NUDT1: variants seen among roughly 807,000 people sequenced by gnomAD.
NUDT1 encodes oxidized purine nucleoside triphosphate hydrolase.
NUDT1 carries 16 observed loss-of-function variants against 11.3 expected under a neutral mutation model. That is an observed-to-expected ratio of 1.41 (90% CI 0.96 to 2.15). NUDT1 has a LOEUF of 2.15. Among genes scored for constraint, NUDT1 ranks in the 30% most tolerant of loss-of-function variants. NUDT1 has a pLI of 0.00. For synonymous variants in NUDT1, 101 were observed against 84.4 expected (o/e 1.20, Z -1.08); for missense variants, 234 against 208.4 (o/e 1.12, Z -0.76).
intron 2 of NUDT1, among the ~76,000 whole-genome samples, chr7:2,246,179 G>A (rs1269580587): frequency 1.3e-5 from 2 of 152,196 alleles, no homozygotes; most frequent in African/African-American, 4.8e-5. Context: ...CTGCCCATCA[G>A]CTCATGGATT....
intron 1 of NUDT1, 152 bp downstream of exon 1, chr7:2,242,408 G>T: frequency 2.0e-6 from 1 of 508,156 alleles, no homozygotes; most frequent in Non-Finnish European, 3.5e-6. Context: ...CAGGGTCGGG[G>T]GCTCGAGGGA....
chr7:2,247,073 G>C (rs1323799867), intron 2 of NUDT1, among the ~76,000 whole-genome samples: 1 of 152,176 alleles, frequency 6.6e-6, no homozygotes, highest in Non-Finnish European at 1.5e-5. Context: ...AGGGGATGAC[G>C]TACCATCAGC....
chr7:2,244,452 AC>A (rs535826571), intron 1 of NUDT1, 110 bp from the exon 2 acceptor site: 256 of 552,282 alleles, frequency 4.6e-4, no homozygotes, highest in East Asian at 8.5e-4. Flanking sequence ...GTTACAGCAT[AC>A]CCCCCCGCCC....
chr7:2,242,502 A>G (rs1794587781), intron 1 of NUDT1: 1 of 420,972 alleles, frequency 2.4e-6, no homozygotes, highest in African/African-American at 2.1e-5. Context: ...GTAAATCACA[A>G]AAATTTACTT....
chr7:2,250,203 C>T (rs1329604306), intron 3 of NUDT1, among the ~76,000 whole-genome samples: 1 of 152,206 alleles, frequency 6.6e-6, no homozygotes, highest in Non-Finnish European at 1.5e-5. Flanking sequence ...CCCTGCTCTG[C>T]GCCCACCCTA....
Position 2,242,469 on chromosome 7 carries a change from C to T in NUDT1, c.-13+213C>T, listed in dbSNP as rs895116186. ...TGGGAGAGAGACAAGGAGAGCGGGG[C>T]GGAGGCTTGGGGGAGACCAGGAGTA... is the stretch of plus-strand genomic sequence containing the variant. On this transcript the variant is annotated intron_variant, in intron 1 of 3. Transcript: ENST00000356714. 15 of 466,064 alleles carry T rather than the reference C, an allele frequency of 3.2e-5. No homozygotes were observed. In the Middle Eastern group the frequency reaches 1.7e-3, roughly 52 times the overall value. 28.9% of individuals were successfully genotyped at this position (466,064 alleles called of 1,614,324 possible).
chr7:2,246,887 G>A (rs1794788028), intron 2 of NUDT1, among the ~76,000 whole-genome samples: 1 of 152,144 alleles, frequency 6.6e-6, no homozygotes, highest in Non-Finnish European at 1.5e-5. Flanking sequence ...AAAGTGCTGT[G>A]ATTACAGGCG....
At chr7:2,250,364 G>A (rs1364114505) in intron 3 of NUDT1, among the ~76,000 whole-genome samples, 1 of 152,222 alleles carries the variant, frequency 6.6e-6, no homozygotes, top group Non-Finnish European at 1.5e-5. Context: ...ACTGTGGGAG[G>A]CCGAGGCAGG....
chr7:2,247,455 G>A (rs967037025), intron 2 of NUDT1, among the ~76,000 whole-genome samples: 8 of 152,262 alleles, frequency 5.3e-5, no homozygotes, highest in South Asian at 2.1e-4. Flanking sequence ...GGCTTCAGGC[G>A]CACAGTGTGA....
intron 3 of NUDT1, 103 bp from the exon 4 acceptor site, chr7:2,250,726 G>A: frequency 9.2e-7 from 1 of 1,081,502 alleles, no homozygotes; most frequent in Non-Finnish European, 1.4e-6. Flanking sequence ...CCAAAGTGCT[G>A]GGATTACAGG....
chr7:2,249,789 C>T (rs1372601057), intron 2 of NUDT1, 68 bp from the exon 3 acceptor site: 30 of 1,593,728 alleles, frequency 1.9e-5, no homozygotes, highest in Non-Finnish European at 2.5e-5. Flanking sequence ...AGCTCCTCCT[C>T]CCTGCCATCG....
At chr7:2,245,330 G>A (rs1045283095) in intron 2 of NUDT1, among the ~76,000 whole-genome samples, 4 of 152,174 alleles carry the variant, frequency 2.6e-5, no homozygotes, top group African/African-American at 9.7e-5. Flanking sequence ...GCCCCCGTTC[G>A]TGTTTTTGTT....
At chr7:2,246,066 C>T (rs555094512) in intron 2 of NUDT1, among the ~76,000 whole-genome samples, 4 of 152,290 alleles carry the variant, frequency 2.6e-5, no homozygotes, top group Non-Finnish European at 4.4e-5. Context: ...GGGCATACAG[C>T]GTGTCCCTGC....
At chr7:2,245,567 C>T (rs902130435) in intron 2 of NUDT1, among the ~76,000 whole-genome samples, 11 of 152,142 alleles carry the variant, frequency 7.2e-5, no homozygotes, top group African/African-American at 2.7e-4. Flanking sequence ...GGGGGCTCTA[C>T]TTTTCCGATT....
At position 2,249,942 on chromosome 7, in the gene NUDT1, C is replaced by T. The variant is rs149903361; in HGVS notation, c.238C>T (p.Leu80Phe). 4.3e-6 allele frequency: 7 copies of T among 1,614,096 alleles called. No individual in the cohort carries two copies. In the African/African-American group the frequency reaches 8.0e-5, roughly 18 times the overall value. The change falls in exon 3 of 4, where the codon CTC becomes TTC. Residue 80 changes from leucine to phenylalanine, a missense_variant. Leu to Phe is a conservative substitution (Grantham distance 22). Transcript: ENST00000356714. ...GTTTGAGTTCGTGGGCGAGCCTGAG[C>T]TCATGGACGTGCATGTCTTCTGCAC... ...IVFEFVGEPE[L>F]MDVHVFCTDS...
At chr7:2,242,741 A>G (rs539173863) in intron 1 of NUDT1, 2 of 471,188 alleles carry the variant, frequency 4.2e-6, no homozygotes, top group Admixed American at 7.0e-5. Flanking sequence ...GAACATACAG[A>G]CAGGCAGGCT....
At chr7:2,247,757 C>T (rs1215843445) in intron 2 of NUDT1, among the ~76,000 whole-genome samples, 1 of 152,204 alleles carries the variant, frequency 6.6e-6, no homozygotes, top group Non-Finnish European at 1.5e-5. Flanking sequence ...TGTCTCCCGG[C>T]GGATTCTTGA....
intron 1 of NUDT1, chr7:2,242,764 C>A: frequency 2.0e-6 from 1 of 498,490 alleles, no homozygotes; most frequent in Non-Finnish European, 3.6e-6. Context: ...GGGGCTCCCA[C>A]CCCACGGCAG....
chr7:2,247,590 A>G (rs1221745714), intron 2 of NUDT1, among the ~76,000 whole-genome samples: 1 of 152,216 alleles, frequency 6.6e-6, no homozygotes, highest in Non-Finnish European at 1.5e-5. Flanking sequence ...CGGACGCTGC[A>G]CCACCCTGTG....
Sources: gnomAD v4.1 joint callset for allele counts (sites outside exome capture counted in the v4.1 genomes callset) on GRCh38, gnomAD v4.1.1 for gene constraint, MANE v1.5 for transcripts, NCBI Gene and HGNC (gene_info 2026-07-23, HGNC 2026-07-21) for gene names.